Variants in SYT1 observed in about 807,000 individuals in gnomAD.
The protein encoded by SYT1 is synaptotagmin 1.
Under a neutral mutation model 44.8 loss-of-function variants are expected in SYT1, and 8 were observed. That is an observed-to-expected ratio of 0.18 (90% CI 0.10 to 0.32). SYT1 has a LOEUF of 0.32. Among genes scored for constraint, SYT1 ranks in the 10% least tolerant of loss-of-function variants. SYT1 has a pLI of 1.00. For missense variants in SYT1, 286 were observed against 509.3 expected (o/e 0.56, Z 4.22); for synonymous variants, 154 against 188.8 (o/e 0.82, Z 1.51).
chr12:78,998,029 C>T (rs1177062845), intron 2 of SYT1, among the ~76,000 whole-genome samples: 4 of 152,034 alleles, frequency 2.6e-5, no homozygotes, highest in Non-Finnish European at 4.4e-5. Flanking sequence ...CAGATCTTTG[C>T]CCCAGATCAG....
At chr12:78,954,696 T>G (rs1052803959) in intron 1 of SYT1, among the ~76,000 whole-genome samples, 2 of 152,128 alleles carry the variant, frequency 1.3e-5, no homozygotes, top group Non-Finnish European at 2.9e-5. Flanking sequence ...ATTTTTCATT[T>G]AGAACTTTGT....
chr12:79,055,751 C>T (rs985959721), intron 3 of SYT1, among the ~76,000 whole-genome samples: 16 of 151,884 alleles, frequency 1.1e-4, no homozygotes, highest in Non-Finnish European at 2.2e-4. Context: ...AATATAGTAA[C>T]ATAAGTAAAA....
chr12:79,105,684 T>C (rs1032308352), intron 3 of SYT1, among the ~76,000 whole-genome samples: 9 of 151,986 alleles, frequency 5.9e-5, no homozygotes, highest in African/African-American at 2.2e-4. Context: ...ATCGAGACCA[T>C]CCTGGCTAAC....
intron 2 of SYT1, among the ~76,000 whole-genome samples, chr12:78,982,694 G>A (rs766840525): frequency 5.3e-5 from 8 of 152,034 alleles, no homozygotes; most frequent in East Asian, 1.9e-4. Context: ...TTTTCTAAAC[G>A]GTTTTGTTAC....
chr12:79,261,237 C>G (rs1013460116), intron 4 of SYT1, among the ~76,000 whole-genome samples: 1 of 152,220 alleles, frequency 6.6e-6, no homozygotes, highest in Non-Finnish European at 1.5e-5. Flanking sequence ...CCAACCTTCA[C>G]TGCCTACAAA....
chr12:79,388,890 C>T (rs558489235), intron 9 of SYT1, among the ~76,000 whole-genome samples: 1 of 152,240 alleles, frequency 6.6e-6, no homozygotes, highest in African/African-American at 2.4e-5. Context: ...CACATGAGTC[C>T]AGCCCTCTTT....
Position 79,444,778 on chromosome 12 carries a change from A to T in SYT1, c.1062+572A>T, listed in dbSNP as rs1479445249. 2.6e-5 allele frequency among the ~76,000 whole-genome samples: 4 copies of T among 152,146 alleles called. No homozygotes were observed. The East Asian group carries it at 7.7e-4, about 29-fold the overall frequency. On this transcript the variant is annotated intron_variant, in intron 10 of 10. Transcript: ENST00000261205. ...TTAATATGCCAGACAATAATTATGA[A>T]GGGAAATATTCTATTAAATATCCTT...
intron 1 of SYT1, among the ~76,000 whole-genome samples, chr12:78,908,040 T>A (rs1245894008): frequency 6.6e-6 from 1 of 152,034 alleles, no homozygotes. Context: ...ATTTTGGTTT[T>A]GCCTAAAGGT....
At chr12:79,056,206 A>G (rs1459594430) in intron 3 of SYT1, among the ~76,000 whole-genome samples, 2 of 152,070 alleles carry the variant, frequency 1.3e-5, no homozygotes, top group Non-Finnish European at 2.9e-5. Context: ...TCATAACTGT[A>G]TATAGAAGTC....
intron 2 of SYT1, among the ~76,000 whole-genome samples, chr12:79,012,561 C>T (rs1871482458): frequency 6.6e-6 from 1 of 152,234 alleles, no homozygotes; most frequent in South Asian, 2.1e-4. Context: ...AATCACTTTT[C>T]CAATTCTATT....
chr12:79,157,496 CTCTG>C (rs1870672704), intron 3 of SYT1, among the ~76,000 whole-genome samples: 2 of 152,152 alleles, frequency 1.3e-5, no homozygotes, highest in South Asian at 2.1e-4. Flanking sequence ...ACATGTTTAA[CTCTG>C]TCTGTACAAA....
intron 1 of SYT1, among the ~76,000 whole-genome samples, chr12:78,906,814 C>T (rs1592544733): frequency 2.0e-5 from 3 of 152,052 alleles, no homozygotes; most frequent in Non-Finnish European, 4.4e-5. Context: ...ATTGATCATT[C>T]TGTCATTTTC....
At chr12:79,254,693 A>G (rs1461073196) in intron 4 of SYT1, among the ~76,000 whole-genome samples, 1 of 152,228 alleles carries the variant, frequency 6.6e-6, no homozygotes, top group Non-Finnish European at 1.5e-5. Context: ...TGCCATTAAG[A>G]ACATTCATGA....
At chr12:79,013,716 CT>C (rs1348998998) in intron 2 of SYT1, among the ~76,000 whole-genome samples, 1 of 152,134 alleles carries the variant, frequency 6.6e-6, no homozygotes, top group African/African-American at 2.4e-5. Flanking sequence ...TATAAAGCCA[CT>C]TTTATTCTAG....
At chr12:79,373,188 A>C (rs1035133892) in intron 9 of SYT1, among the ~76,000 whole-genome samples, 4 of 152,188 alleles carry the variant, frequency 2.6e-5, no homozygotes, top group Non-Finnish European at 5.9e-5. Context: ...TGGGGGAGAG[A>C]GGAATATCCT....
intron 3 of SYT1, among the ~76,000 whole-genome samples, chr12:79,070,607 T>C (rs771946835): frequency 3.5e-4 from 53 of 152,114 alleles, no homozygotes; most frequent in Admixed American, 1.3e-3. Flanking sequence ...TTTTTTCTTT[T>C]TCTAAAGTTT....
In SYT1 at chr12:79,300,567, CT is replaced by C. The variant is rs577562601; in HGVS notation, c.810+1017del. On this transcript the variant is annotated intron_variant, in intron 8 of 10. Coordinates refer to ENST00000261205, the MANE Select transcript of SYT1 (RefSeq NM_005639.3). ...TCTGAGGCTATGAACTTTATACCCC[CT>C]ATATGATGAAATGAGGTTTTAGAAC... is the stretch of plus-strand genomic sequence containing the variant. 3.4e-4 allele frequency among the ~76,000 whole-genome samples: 52 copies of C among 151,964 alleles called. 1 individual carries two copies. In the South Asian group the frequency reaches 0.01, roughly 30 times the overall value.
At chr12:78,920,131 A>T (rs1876896566) in intron 1 of SYT1, among the ~76,000 whole-genome samples, 1 of 151,998 alleles carries the variant, frequency 6.6e-6, no homozygotes, top group African/African-American at 2.4e-5. Flanking sequence ...GTTATGAGTG[A>T]TATATAGTAA....
intron 4 of SYT1, among the ~76,000 whole-genome samples, chr12:79,251,773 T>G (rs943108116): frequency 5.3e-5 from 8 of 152,198 alleles, no homozygotes; most frequent in African/African-American, 1.9e-4. Flanking sequence ...GGCTTGGTAA[T>G]TTATAAAATA....
Sources: gnomAD v4.1 joint callset for allele counts (sites outside exome capture counted in the v4.1 genomes callset) on GRCh38, gnomAD v4.1.1 for gene constraint, MANE v1.5 for transcripts, NCBI Gene and HGNC (gene_info 2026-07-23, HGNC 2026-07-21) for gene names.